Variants in SLC34A1 observed in about 807,000 individuals in gnomAD.
SLC34A1 encodes the protein sodium-dependent phosphate transport protein 2A.
In SLC34A1, 57 loss-of-function variants were observed where a neutral mutation model predicts 51.4. The ratio of observed to expected loss-of-function variants is 1.11; its 90% CI spans 0.90 to 1.38. The LOEUF (loss-of-function observed/expected upper bound fraction) is 1.38, where lower values mean the gene tolerates loss of function less well. Ranked by LOEUF, SLC34A1 falls within the 40% of genes most tolerant of loss-of-function variation. The pLI is 0.00. For missense variants in SLC34A1, 796 were observed against 835.6 expected, an observed-to-expected ratio of 0.95 and a Z score of 0.58; for synonymous variants, 368 against 358.0, an observed-to-expected ratio of 1.03 and a Z score of -0.32.
At position 177,398,008 on chromosome 5, in the gene SLC34A1, T is replaced by C; in HGVS notation, c.1642T>C (p.Phe548Leu). The change falls in exon 13 of 13, where the codon TTC becomes CTC. Residue 548 changes from phenylalanine to leucine, a missense_variant. Coordinates refer to ENST00000324417, the MANE Select transcript of SLC34A1 (RefSeq NM_003052.5). The surrounding 1 kb of genome is among the most constrained non-coding windows in gnomAD (Gnocchi z 4.7). ...GGTCATGGTAGGTGTGGGCACGCCC[T>C]TCGGGGCCCTGCTGGCCTTCGTGGT... ...WQVMVGVGTP[F>L]GALLAFVVLI... 1 of 1,613,988 alleles carries C rather than the reference T, an allele frequency of 6.2e-7. No homozygotes were observed. The highest frequency in any genetic ancestry group is 8.5e-7 in the Non-Finnish European group (1 of 1,179,988).
chr5:177,397,275 T>A, intron 12 of SLC34A1: 1 of 612,882 alleles, frequency 1.6e-6, no homozygotes, highest in Non-Finnish European at 2.8e-6. Flanking sequence ...ACACTGCTCA[T>A]AATTACACCA....
At position 177,397,919 on chromosome 5, in the gene SLC34A1, A is replaced by C. The variant is rs1381474689; in HGVS notation, c.1553A>C (p.Tyr518Ser). The change falls in exon 13 of 13, where the codon TAT (tyrosine) becomes TCT (serine). Residue 518 changes from tyrosine (Y) to serine (S), a missense_variant. By Grantham distance (144) the Tyr-to-Ser change is moderately radical (BLOSUM62 -2). Coordinates refer to ENST00000324417, the MANE Select transcript of SLC34A1 (RefSeq NM_003052.5). ...TAKYRWFAVL[Y>S]LLVCFLLLPS... ...AAGTACCGCTGGTTTGCCGTCCTCT[A>C]TCTCCTTGTCTGCTTCCTGCTGCTG... 5 of 1,614,024 alleles carry C rather than the reference A, an allele frequency of 3.1e-6. No individual in the cohort carries two copies. The highest frequency in any genetic ancestry group is 3.4e-6 in the Non-Finnish European group (4 of 1,180,008).
intron 1 of SLC34A1, among the ~76,000 whole-genome samples, chr5:177,384,856 C>A (rs1453849481): frequency 2.1e-5 from 3 of 145,776 alleles, no homozygotes; most frequent in Non-Finnish European, 4.5e-5. Context: ...GAGTGAAACT[C>A]CATCTCAAAA....
Position 177,396,897 on chromosome 5 carries a change from GA to G in SLC34A1, c.1292-50del, listed in dbSNP as rs763893585. The G allele has an allele frequency of 6.2e-7, 1 of 1,614,176 alleles. No individual in the cohort carries two copies. The highest frequency in any genetic ancestry group is 1.1e-5 in the South Asian group (1 of 91,078). The stretch of plus-strand genomic sequence containing the variant: ...AGTGGGGTGGGCCAGGGCTGGCAGG[GA>G]AAGGGCCGAAGGAGACGCTGGGGGT... On this transcript the variant is annotated intron_variant, in intron 11 of 12. Transcript: ENST00000324417. This position sits in a 1 kb window ranked among gnomAD's most constrained non-coding sequence, Gnocchi z 4.0.
chr5:177,385,772 C>T lies in SLC34A1; in HGVS notation c.31C>T (p.Pro11Ser), dbSNP rs770577045. Residue 11 changes from proline to serine, a missense_variant, in exon 2 of 13, where the codon CCT (proline) becomes TCT (serine). Coordinates refer to ENST00000324417, the MANE Select transcript of SLC34A1 (RefSeq NM_003052.5). MLSYGERLGS[P>S]AVSPLPVRGG... is the part of the protein sequence containing the mutation. ...GTCCTACGGAGAGAGGCTGGGGTCC[C>T]CTGCTGTCTCCCCACTCCCAGTCCG... The T allele has an allele frequency of 6.2e-7, 1 of 1,613,038 alleles. No homozygotes were observed. The highest frequency in any genetic ancestry group is 8.5e-7 in the Non-Finnish European group (1 of 1,179,826).
chr5:177,384,562 C>T (rs1762492700), intron 1 of SLC34A1, 75 bp downstream of exon 1: 1 of 152,162 alleles, frequency 6.6e-6, no homozygotes, highest in African/African-American at 2.4e-5. Flanking sequence ...CCAGCCCCTT[C>T]ATCTGTGTCC....
In SLC34A1 at chr5:177,398,813, G is replaced by GA. The variant is rs1461767316; in HGVS notation, c.*535dup. The GA allele has an allele frequency of 3.1e-5, 5 of 162,932 alleles. No individual in the cohort carries two copies. Among genetic ancestry groups the GA allele is most frequent in the South Asian group, 1.7e-4 (1 of 5,886 alleles). 10.1% of individuals were successfully genotyped at this position (162,932 alleles called of 1,614,324 possible). On this transcript the variant is annotated 3_prime_UTR_variant, in exon 13 of 13. Transcript: ENST00000324417. This position sits in a 1 kb window ranked among gnomAD's most constrained non-coding sequence, Gnocchi z 4.7. ...TTCCCTTCCCAACACTTGCCTGATG[G>GA]AAAAAAAACAAAGGAATTAAAACTC...
intron 8 of SLC34A1, among the ~76,000 whole-genome samples, chr5:177,392,195 C>T (rs1408436642): frequency 6.6e-6 from 1 of 152,240 alleles, no homozygotes; most frequent in Non-Finnish European, 1.5e-5. Flanking sequence ...AGCATGGTGG[C>T]TCACACCTGT....
rs982504722 is a variant in SLC34A1, at chr5:177,396,667, G to A, written c.1175-66G>A. 1.5e-5 allele frequency: 21 copies of A among 1,393,752 alleles called. 1 individual carries two copies. Among genetic ancestry groups the A allele is most frequent in the South Asian group, 1.3e-4 (11 of 86,602 alleles). 86.3% of individuals were successfully genotyped at this position (1,393,752 alleles called of 1,614,324 possible). ...GGAGGTCCGCTCTCCCAGTGCCCCC[G>A]CGGAGGTCTGCTCTCCCAATGTCCC... On this transcript the variant is annotated intron_variant, in intron 10 of 12. Transcript: ENST00000324417. The surrounding 1 kb of genome is among the most constrained non-coding windows in gnomAD (Gnocchi z 4.0).
At chr5:177,387,220 A>C (rs1375345558) in intron 5 of SLC34A1, among the ~76,000 whole-genome samples, 2 of 151,798 alleles carry the variant, frequency 1.3e-5, no homozygotes, top group Non-Finnish European at 2.9e-5. Flanking sequence ...AATACAAAAA[A>C]AAAAAACAAC....
At position 177,398,359 on chromosome 5, in the gene SLC34A1, A is replaced by G; in HGVS notation, c.*73A>G. On this transcript the variant is annotated 3_prime_UTR_variant, in exon 13 of 13. Transcript: ENST00000324417. The surrounding 1 kb of genome is among the most constrained non-coding windows in gnomAD (Gnocchi z 4.7). ...AAGGCAGGGGAGGGAGGGTGTGTGT[A>G]GGTATGTGCATGTGCCTGTGCCACC... 1.3e-6 allele frequency: 2 copies of G among 1,562,208 alleles called. No homozygotes were observed. Among genetic ancestry groups the G allele is most frequent in the Non-Finnish European group, 1.7e-6 (2 of 1,148,246 alleles).
chr5:177,384,929 C>G (rs1337813137), intron 1 of SLC34A1, among the ~76,000 whole-genome samples: 1 of 151,758 alleles, frequency 6.6e-6, no homozygotes, highest in Non-Finnish European at 1.5e-5. Context: ...ACCCCTACAA[C>G]AGCCAAGGAC....
At chr5:177,392,431 C>T (rs1223078402) in intron 8 of SLC34A1, among the ~76,000 whole-genome samples, 1 of 151,982 alleles carries the variant, frequency 6.6e-6, no homozygotes, top group African/African-American at 2.4e-5. Context: ...CCACTGGACT[C>T]CAGACTGGGC....
At chr5:177,390,211 G>A in intron 8 of SLC34A1, 1 of 996,910 alleles carries the variant, frequency 1.0e-6, no homozygotes, top group Non-Finnish European at 1.2e-6. Flanking sequence ...ACCAGGGAGA[G>A]GAGGCAAGTC....
rs1414825504 is a variant in SLC34A1, at chr5:177,396,980, A to G, written c.1322A>G (p.Tyr441Cys). ...GGTGTGATCAGCATTGAGAGGGCCT[A>G]CCCGCTCACACTGGGTTCCAACATC... ...GLGVISIERAYPLTLGSNIGT... is the reference protein window; with the variant it reads ...GLGVISIERACPLTLGSNIGT... Residue 441 changes from tyrosine (Y) to cysteine (C), a missense_variant, in exon 12 of 13, where the codon TAC becomes TGC. By Grantham distance (194) the Tyr-to-Cys change is radical. Coordinates refer to ENST00000324417, the MANE Select transcript of SLC34A1 (RefSeq NM_003052.5). The surrounding 1 kb of genome is among the most constrained non-coding windows in gnomAD (Gnocchi z 4.0). 4 of 1,613,982 alleles carry G rather than the reference A, an allele frequency of 2.5e-6. No homozygotes were observed. Among genetic ancestry groups the G allele is most frequent in the East Asian group, 4.5e-5 (2 of 44,872 alleles).
chr5:177,386,559 C>A lies in SLC34A1; in HGVS notation c.525C>A (p.Ser175=). ...CATCCATCATCGTCAGCATGGTCTC[C>A]TCTGGCTGTGAGTTGGCCCACCAGG... ...TSTSIIVSMV[S]SGLLEVSSAI... Residue 175 remains serine, a synonymous_variant, in exon 5 of 13, where the codon TCC becomes TCA. Transcript: ENST00000324417. This position sits in a 1 kb window ranked among gnomAD's most constrained non-coding sequence, Gnocchi z 4.8. 6.2e-7 allele frequency: 1 copy of A among 1,614,092 alleles called. No homozygotes were observed. Among genetic ancestry groups the A allele is most frequent in the Non-Finnish European group, 8.5e-7 (1 of 1,180,022 alleles).
At chr5:177,395,016 T>A (rs887967966) in intron 10 of SLC34A1, among the ~76,000 whole-genome samples, 2 of 151,928 alleles carry the variant, frequency 1.3e-5, no homozygotes, top group African/African-American at 2.4e-5. Flanking sequence ...TTACAAAAAA[T>A]TTTAAAATTA....
At chr5:177,397,267 A>C in intron 12 of SLC34A1, 193 bp downstream of exon 12, 1 of 633,604 alleles carries the variant, frequency 1.6e-6, no homozygotes, top group Non-Finnish European at 2.7e-6. Flanking sequence ...ATAGGGAGAC[A>C]CTGCTCATAA....
At chr5:177,389,801 C>G in intron 8 of SLC34A1, 2 of 1,531,352 alleles carry the variant, frequency 1.3e-6, no homozygotes, top group Non-Finnish European at 1.7e-6. Flanking sequence ...TGAAGTCATC[C>G]TCACCCAGGT....
Sources: allele counts gnomAD v4.1 joint callset (sites outside exome capture counted in the v4.1 genomes callset), GRCh38; gene constraint gnomAD v4.1.1; non-coding constraint Gnocchi (gnomAD v3.1); transcripts MANE v1.5; gene names NCBI Gene and HGNC (gene_info 2026-07-23, HGNC 2026-07-21).